TF: variants seen among roughly 807,000 people sequenced by gnomAD.
TF encodes transferrin.
TF carries 55 observed loss-of-function variants against 82.4 expected under a neutral mutation model. That is an observed-to-expected ratio of 0.67 (90% confidence interval 0.54 to 0.84). The LOEUF is 0.84. Ranked by LOEUF, TF falls within the 40% of genes least tolerant of loss-of-function variation. The pLI, the probability that TF is intolerant of heterozygous loss-of-function variation, is 0.00. For missense variants in TF, 737 were observed against 868.4 expected (o/e 0.85, Z 1.90); for synonymous variants, 332 against 332.6 (o/e 1.00, Z 0.02).
At chr3:133,767,570 T>C (rs1276305731) in intron 12 of TF, among the ~76,000 whole-genome samples, 1 of 152,208 alleles carries the variant, frequency 6.6e-6, no homozygotes, top group Non-Finnish European at 1.5e-5. Context: ...CTAGCACTTT[T>C]ATGGCCACAG....
In TF at chr3:133,783,489, G is replaced by A. The variant is rs1376833690; in HGVS notation, c.*4869G>A. The A allele has an allele frequency of 2.0e-5, 3 of 152,026 alleles. No individual in the cohort carries two copies. The highest frequency in any genetic ancestry group is 7.3e-5 in the African/African-American group (3 of 41,374). The allele number at this position is 152,026 out of a possible 1,614,324, so 9.4% of individuals were successfully genotyped here. A position where few individuals can be genotyped will look rare whatever the true frequency, so the allele number is the denominator to read the frequency against. ...AAGGTTTAAATATAAAATTAAAATC[G>A]TAAAAACAATTACTATGTTAACATA... On this transcript the variant is annotated 3_prime_UTR_variant, in exon 17 of 17. Coordinates refer to ENST00000402696, the MANE Select transcript of TF (RefSeq NM_001063.4).
the TF span, among the ~76,000 whole-genome samples, chr3:133,738,945 C>A: frequency 1.3e-5 from 2 of 152,180 alleles, no homozygotes; most frequent in African/African-American, 2.4e-5. Context: ...ACTTTCTTCA[C>A]AGAATTGGAA....
At chr3:133,729,995 A>T in the TF span, among the ~76,000 whole-genome samples, 1 of 152,038 alleles carries the variant, frequency 6.6e-6, no homozygotes, top group Non-Finnish European at 1.5e-5. Context: ...GTGGCCTCTT[A>T]CTGGACATTT....
At chr3:133,685,087 A>C in the TF span, among the ~76,000 whole-genome samples, 2 of 152,188 alleles carry the variant, frequency 1.3e-5, no homozygotes, top group African/African-American at 2.4e-5. Flanking sequence ...ATATAAACAG[A>C]ACCAAAGGCA....
chr3:133,775,132 G>A, intron 14 of TF: 1 of 448,196 alleles, frequency 2.2e-6, no homozygotes, highest in Non-Finnish European at 4.1e-6. Flanking sequence ...GAAGGAATTG[G>A]AATTTAGTGG....
At chr3:133,692,566 G>C in the TF span, among the ~76,000 whole-genome samples, 8 of 152,110 alleles carry the variant, frequency 5.3e-5, no homozygotes, top group African/African-American at 1.9e-4. Context: ...GGAGGGACTA[G>C]CAGAAAAAAG....
the TF span, among the ~76,000 whole-genome samples, chr3:133,706,767 G>A: frequency 6.6e-6 from 1 of 152,140 alleles, no homozygotes; most frequent in African/African-American, 2.4e-5. Context: ...GCTGAGCACT[G>A]GGTCATAGGA....
the TF span, among the ~76,000 whole-genome samples, chr3:133,702,588 C>G: frequency 6.6e-6 from 1 of 151,510 alleles, no homozygotes; most frequent in South Asian, 2.1e-4. Flanking sequence ...ACAACTTCAT[C>G]ACTCAGAGAT....
Position 133,777,135 on chromosome 3 carries a change from C to T in TF, c.1959C>T (p.Asp653=). Residue 653 remains aspartate (D), a synonymous_variant, in exon 16 of 17, where the codon GAC becomes GAT. Coordinates refer to ENST00000402696, the MANE Select transcript of TF (RefSeq NM_001063.4). ...SETKDLLFRD[D]TVCLAKLHDR... Reference sequence around the variant, plus strand: ...CCAAGGACCTTCTGTTCAGAGATGACACAGTATGTTTGGCCAAACTTCATG... The same window carrying T: ...CCAAGGACCTTCTGTTCAGAGATGATACAGTATGTTTGGCCAAACTTCATG... 1.2e-6 allele frequency: 2 copies of T among 1,614,146 alleles called. No homozygotes were observed. The highest frequency in any genetic ancestry group is 1.7e-6 in the Non-Finnish European group (2 of 1,180,034).
the TF span, among the ~76,000 whole-genome samples, chr3:133,720,493 T>C: frequency 3.9e-5 from 6 of 152,180 alleles, no homozygotes; most frequent in African/African-American, 1.4e-4. Context: ...TTTGATTGCA[T>C]TTACTAGTAT....
the TF span, among the ~76,000 whole-genome samples, chr3:133,726,131 G>T: frequency 2.0e-4 from 31 of 152,112 alleles, no homozygotes; most frequent in African/African-American, 6.8e-4. Flanking sequence ...TTTTGATTGT[G>T]TCTCTGCCCG....
chr3:133,696,164 C>G, the TF span, among the ~76,000 whole-genome samples: 2 of 152,062 alleles, frequency 1.3e-5, no homozygotes, highest in African/African-American at 2.4e-5. Context: ...GTGACTCATG[C>G]CTGTAATCTC....
upstream of TF, among the ~76,000 whole-genome samples, chr3:133,742,275 C>G (rs1933407043): frequency 6.6e-6 from 1 of 152,178 alleles, no homozygotes; most frequent in Non-Finnish European, 1.5e-5. Flanking sequence ...AGCCACCACC[C>G]CCACGCTGTA....
the TF span, among the ~76,000 whole-genome samples, chr3:133,677,361 G>A: frequency 0.036 from 5,484 of 152,182 alleles, 366 homozygotes; most frequent in African/African-American, 0.12. Flanking sequence ...TTTATTGGCC[G>A]GGCACGGTGG....
At chr3:133,738,096 T>A in the TF span, among the ~76,000 whole-genome samples, 1 of 152,120 alleles carries the variant, frequency 6.6e-6, no homozygotes, top group Non-Finnish European at 1.5e-5. Context: ...CAGCAGCACA[T>A]CAAAAAGTTT....
chr3:133,738,376 G>A, the TF span, among the ~76,000 whole-genome samples: 7 of 152,130 alleles, frequency 4.6e-5, no homozygotes, highest in African/African-American at 2.4e-5. Flanking sequence ...GGCAAAAGCT[G>A]GAAGCATTCC....
Position 133,790,113 on chromosome 3 carries a change from C to T in TF, c.*11493C>T, listed in dbSNP as rs1205802967. ...TCTAGATAAACTGTTAAAAGTGAAA[C>T]AATTGAGTACAGTGAATGGGACAAA... On this transcript the variant is annotated 3_prime_UTR_variant, in exon 17 of 17. Coordinates refer to ENST00000402696, the MANE Select transcript of TF (RefSeq NM_001063.4). 6.6e-6 allele frequency: 1 copy of T among 152,018 alleles called. No individual in the cohort carries two copies. The highest frequency in any genetic ancestry group is 1.5e-5 in the Non-Finnish European group (1 of 68,004). The allele number at this position is 152,018 out of a possible 1,614,324, so 9.4% of individuals were successfully genotyped here.
the TF span, among the ~76,000 whole-genome samples, chr3:133,680,238 C>T: frequency 1.3e-4 from 19 of 151,748 alleles, no homozygotes; most frequent in Admixed American, 1.2e-3. Flanking sequence ...TAGGTTCTCC[C>T]TCTGTTGCCC....
chr3:133,733,411 A>G, the TF span, among the ~76,000 whole-genome samples: 1 of 152,200 alleles, frequency 6.6e-6, no homozygotes, highest in African/African-American at 2.4e-5. Flanking sequence ...TCCTGTAAAT[A>G]GTGTGTCAGG....
Sources: allele counts gnomAD v4.1 joint callset (sites outside exome capture counted in the v4.1 genomes callset), GRCh38; gene constraint gnomAD v4.1.1; transcripts MANE v1.5; gene names NCBI Gene and HGNC (gene_info 2026-07-23, HGNC 2026-07-21).